Variants in ANKHD1 observed in about 807,000 individuals in gnomAD.
ANKHD1 encodes ankyrin repeat and KH domain-containing protein 1.
A neutral mutation model predicts 230.5 loss-of-function variants in ANKHD1; 31 were observed. The ratio of observed to expected loss-of-function variants is 0.13; its 90% confidence interval spans 0.10 to 0.18. ANKHD1 has a LOEUF of 0.18. Ranked by LOEUF, ANKHD1 falls within the 10% of genes least tolerant of loss-of-function variation. The probability of loss-of-function intolerance (pLI) is 1.00; values close to 1 mark genes in which losing one functional copy is unlikely to be tolerated. For missense variants in ANKHD1, 2,256 were observed against 3,071.3 expected (o/e 0.73, Z 6.27); for synonymous variants, 1,074 against 1,117.6 (o/e 0.96, Z 0.78).
At chr5:140,451,088 G>T (rs866379020) in intron 7 of ANKHD1, among the ~76,000 whole-genome samples, 19 of 152,184 alleles carry the variant, frequency 1.2e-4, no homozygotes, top group Middle Eastern at 3.4e-3. Flanking sequence ...GGAGGTGGAG[G>T]TTGCAGTGAG....
intron 1 of ANKHD1, among the ~76,000 whole-genome samples, chr5:140,402,486 C>A (rs1439038555): frequency 6.6e-6 from 1 of 152,188 alleles, no homozygotes; most frequent in Non-Finnish European, 1.5e-5. Context: ...ATTCGTAGAC[C>A]CACAATAGGG....
intron 10 of ANKHD1, among the ~76,000 whole-genome samples, chr5:140,473,607 A>T (rs1476315235): frequency 6.6e-6 from 1 of 151,786 alleles, no homozygotes; most frequent in Non-Finnish European, 1.5e-5. Flanking sequence ...TGCCCAACTA[A>T]TTTTTTTCAT....
intron 32 of ANKHD1, 74 bp from the exon 33 acceptor site, chr5:140,538,845 G>C: frequency 7.5e-7 from 1 of 1,335,698 alleles, no homozygotes; most frequent in Non-Finnish European, 9.7e-7. Context: ...AGTCTAAGCT[G>C]GTATTATGGG....
chr5:140,526,870 CTT>C lies in ANKHD1; in HGVS notation c.4941-57_4941-56del, dbSNP rs1753630506. The stretch of plus-strand genomic sequence containing the variant: ...AACTCTGGCTATAAAGGAATAGTCT[CTT>C]GAGTTTCTATCTTAAAACTTATCTT... On this transcript the variant is annotated intron_variant, in intron 26 of 33. Transcript: ENST00000360839. 3.2e-6 allele frequency: 5 copies of C among 1,539,054 alleles called. No homozygotes were observed. In the South Asian group the frequency reaches 5.2e-5, roughly 16 times the overall value.
chr5:140,496,443 C>CTTTTTTTTTTTTTTTTTTTTTTTTTT, intron 14 of ANKHD1, 77 bp from the exon 15 acceptor site: 2 of 718,958 alleles, frequency 2.8e-6, no homozygotes, highest in Non-Finnish European at 3.6e-6. Context: ...GGCTGGTTTT[C>CTTTTTTTTTTTTTTTTTTTTTTTTTT]TTTTTTTTTT....
chr5:140,501,762 C>CA (rs1752315346), intron 15 of ANKHD1, among the ~76,000 whole-genome samples: 1 of 151,296 alleles, frequency 6.6e-6, no homozygotes, highest in African/African-American at 2.4e-5. Context: ...AAAAAAAACT[C>CA]ACAACATATT....
At chr5:140,419,284 T>C (rs193279202) in intron 1 of ANKHD1, among the ~76,000 whole-genome samples, 1 of 141,280 alleles carries the variant, frequency 7.1e-6, no homozygotes, top group Admixed American at 7.4e-5. Context: ...GAAATATCTA[T>C]TCAAATATTT....
At chr5:140,435,412 G>A (rs1273348673) in intron 1 of ANKHD1, among the ~76,000 whole-genome samples, 1 of 148,912 alleles carries the variant, frequency 6.7e-6, no homozygotes, top group Non-Finnish European at 1.5e-5. Context: ...AGTTTTTGCT[G>A]TGTTGCCCAG....
At chr5:140,503,787 G>C (rs1056387094) in intron 15 of ANKHD1, among the ~76,000 whole-genome samples, 16 of 151,162 alleles carry the variant, frequency 1.1e-4, no homozygotes, top group African/African-American at 3.4e-4. Context: ...GGCTGGTCCT[G>C]AACTCCCAAC....
chr5:140,532,751 A>G (rs1422313125), intron 29 of ANKHD1: 1 of 387,790 alleles, frequency 2.6e-6, no homozygotes, highest in African/African-American at 2.2e-5. Flanking sequence ...TAAAGCTATT[A>G]AAAAGTACAT....
chr5:140,528,099 T>C lies in ANKHD1; in HGVS notation c.5237+77T>C, dbSNP rs1028586338. ...ATACCTTTGTCAGGTATGGTATAATTAAGAACTTTATTTGATGGTTAAGAT... is the reference window on the plus strand; with the variant it reads ...ATACCTTTGTCAGGTATGGTATAATCAAGAACTTTATTTGATGGTTAAGAT... On this transcript the variant is annotated intron_variant, in intron 28 of 33. Transcript: ENST00000360839. 7.7e-6 allele frequency: 12 copies of C among 1,560,748 alleles called. No homozygotes were observed. In the East Asian group the frequency reaches 2.5e-4, roughly 33 times the overall value.
intron 5 of ANKHD1, among the ~76,000 whole-genome samples, chr5:140,441,545 C>T (rs1448865388): frequency 6.6e-6 from 1 of 151,664 alleles, no homozygotes; most frequent in African/African-American, 2.4e-5. Context: ...CATGATCTCA[C>T]TGAATATTGA....
rs775704601 is a variant in ANKHD1, at chr5:140,528,375, G to A, written c.5429G>A (p.Gly1810Asp). Reference protein sequence around the residue: ...AASSKNAFPLGAPTLVTSQAT... With the variant: ...AASSKNAFPLDAPTLVTSQAT... The stretch of plus-strand genomic sequence containing the variant: ...TCCAGTAAAAATGCATTTCCTTTGG[G>A]TGCTCCAACTCTTGTAACTTCACAG... Residue 1810 changes from glycine (G) to aspartate (D), a missense_variant, in exon 29 of 34, where the codon GGT (glycine) becomes GAT (aspartate). By Grantham distance (94) the Gly-to-Asp change is moderately conservative (BLOSUM62 -1). Around this residue, in one of 13 missense-constraint regions of ANKHD1, gnomAD observed 778 missense variants for 966.5 expected, o/e 0.80. Transcript: ENST00000360839. 3 of 1,614,014 alleles carry A rather than the reference G, an allele frequency of 1.9e-6. No homozygotes were observed. In the East Asian group the frequency reaches 6.7e-5, roughly 36 times the overall value.
rs769442127 is a variant in ANKHD1, at chr5:140,526,101, C to T, written c.4598C>T (p.Ala1533Val). 5.0e-6 allele frequency: 8 copies of T among 1,613,632 alleles called. No homozygotes were observed. In the East Asian group the frequency reaches 1.6e-4, roughly 31 times the overall value. ...TFTNVFGKKR[A>V]NVVTTPSTNR... Reference sequence around the variant, plus strand: ...ACAAATGTGTTTGGGAAAAAAAGGGCCAATGTGGTGACAACTCCCAGCACC... The same window carrying T: ...ACAAATGTGTTTGGGAAAAAAAGGGTCAATGTGGTGACAACTCCCAGCACC... Residue 1533 changes from alanine to valine, a missense_variant, in exon 26 of 34, where the codon GCC (alanine) becomes GTC (valine). By Grantham distance (64) the Ala-to-Val change is moderately conservative (BLOSUM62 0). Around this residue, in one of 13 missense-constraint regions of ANKHD1, gnomAD observed 212 missense variants for 257.3 expected, o/e 0.82. Coordinates refer to ENST00000360839, the MANE Select transcript of ANKHD1 (RefSeq NM_017747.3).
Position 140,527,200 on chromosome 5 carries a change from A to T in ANKHD1, c.5087+126A>T, listed in dbSNP as rs1753642929. 7.5e-7 allele frequency: 1 copy of T among 1,328,778 alleles called. No individual in the cohort carries two copies. Among genetic ancestry groups the T allele is most frequent in the Non-Finnish European group, 9.8e-7 (1 of 1,023,366 alleles). The allele number at this position is 1,328,778 out of a possible 1,614,324, so 82.3% of individuals were successfully genotyped here. ...TATTTTAAACTGCATTGCCACACTA[A>T]ATCCAGAATATGCTAAAGCAAAATT... On this transcript the variant is annotated intron_variant, in intron 27 of 33. Transcript: ENST00000360839. This position sits in a 1 kb window ranked among gnomAD's most constrained non-coding sequence, Gnocchi z 4.5.
At position 140,485,307 on chromosome 5, in the gene ANKHD1, A is replaced by C. The variant is rs1328983109; in HGVS notation, c.1998+59A>C. The C allele has an allele frequency of 6.4e-7, 1 of 1,556,882 alleles. No homozygotes were observed. Among genetic ancestry groups the C allele is most frequent in the Non-Finnish European group, 8.7e-7 (1 of 1,147,358 alleles). On this transcript the variant is annotated intron_variant, in intron 12 of 33. Coordinates refer to ENST00000360839, the MANE Select transcript of ANKHD1 (RefSeq NM_017747.3). The surrounding 1 kb of genome is among the most constrained non-coding windows in gnomAD (Gnocchi z 4.8). The stretch of plus-strand genomic sequence containing the variant: ...TGCGGTGGCTCATGTCTATGATCCC[A>C]GCACTTTAGAAAGCTGAGGCGGGTG...
At position 140,524,053 on chromosome 5, in the gene ANKHD1, G is replaced by C; in HGVS notation, c.4318-13G>C. 6.4e-7 allele frequency: 1 copy of C among 1,562,004 alleles called. No homozygotes were observed. Among genetic ancestry groups the C allele is most frequent in the Non-Finnish European group, 8.6e-7 (1 of 1,165,990 alleles). ...GCCTTATTGGTAAAATTATATACCT[G>C]CTTTATTTCCAGTCAAGAGAAGAGA... On this transcript the variant is annotated splice_polypyrimidine_tract_variant and intron_variant, in intron 24 of 33. Coordinates refer to ENST00000360839, the MANE Select transcript of ANKHD1 (RefSeq NM_017747.3).
intron 22 of ANKHD1, among the ~76,000 whole-genome samples, chr5:140,511,472 G>GT (rs1470883540): frequency 6.6e-6 from 1 of 152,134 alleles, no homozygotes; most frequent in Non-Finnish European, 1.5e-5. Context: ...TTCTCAAAGA[G>GT]TATTTCTCTA....
intron 25 of ANKHD1, among the ~76,000 whole-genome samples, chr5:140,525,437 A>G (rs562659743): frequency 1.6e-4 from 24 of 152,000 alleles, no homozygotes; most frequent in Non-Finnish European, 3.4e-4. Context: ...TAATTTTTGT[A>G]TTTTTTGTAG....
Sources: gnomAD v4.1 joint callset for allele counts (sites outside exome capture counted in the v4.1 genomes callset) on GRCh38, gnomAD v4.1.1 for gene constraint, gnomAD v4.1.1 regional missense constraint, Gnocchi (gnomAD v3.1) non-coding constraint, MANE v1.5 for transcripts, NCBI Gene and HGNC (gene_info 2026-07-23, HGNC 2026-07-21) for gene names.